RABGAP1L: variants seen among roughly 807,000 people sequenced by gnomAD.
RABGAP1L encodes RAB GTPase activating protein 1 like, also known as rab GTPase-activating protein 1-like.
Under a neutral mutation model 137.7 loss-of-function variants are expected in RABGAP1L, and 63 were observed. That is an observed-to-expected ratio of 0.46 (90% CI 0.37 to 0.56). The LOEUF (loss-of-function observed/expected upper bound fraction) is 0.56, where lower values mean the gene tolerates loss of function less well. RABGAP1L is among the 20% of genes least tolerant of loss of function. RABGAP1L has a pLI of 0.00. For synonymous variants in RABGAP1L, 431 were observed against 433.7 expected, an observed-to-expected ratio of 0.99 and a Z score of 0.08; for missense variants, 1,095 against 1,244.0, an observed-to-expected ratio of 0.88 and a Z score of 1.80.
chr1:174,690,206 T>G (rs1199747576), intron 15 of RABGAP1L, among the ~76,000 whole-genome samples: 1 of 152,212 alleles, frequency 6.6e-6, no homozygotes, highest in Admixed American at 6.5e-5. Flanking sequence ...TTAATACCTT[T>G]CAAGTTATAT....
In RABGAP1L at chr1:174,278,117, A is replaced by G. The variant is rs557079377; in HGVS notation, c.1157-496A>G. Among the ~76,000 whole-genome samples, 53 of 152,306 alleles carry G rather than the reference A, an allele frequency of 3.5e-4. 1 individual carries two copies. In the South Asian group the frequency reaches 7.3e-3, roughly 21 times the overall value. The stretch of plus-strand genomic sequence containing the variant: ...CCAGGCCATAGATTCAAAAACCTCA[A>G]TGAGGCCAGGTGTGGTGGCTCACGC... On this transcript the variant is annotated intron_variant, in intron 9 of 25. Coordinates refer to ENST00000681986, the MANE Select transcript of RABGAP1L (RefSeq NM_001366446.1).
chr1:174,677,811 T>G (rs994389125), intron 14 of RABGAP1L, among the ~76,000 whole-genome samples: 3 of 152,138 alleles, frequency 2.0e-5, no homozygotes, highest in Non-Finnish European at 4.4e-5. Flanking sequence ...TTTAAATGCC[T>G]ATATTAGAAA....
At position 174,165,573 on chromosome 1, in the gene RABGAP1L, A is replaced by C. The variant is rs956159139; in HGVS notation, c.-34+5916A>C. On this transcript the variant is annotated intron_variant, in intron 1 of 25. Coordinates refer to ENST00000681986, the MANE Select transcript of RABGAP1L (RefSeq NM_001366446.1). ...GAGTGCTGTGGTGCCATCACAGCTC[A>C]CTGCATCCTTGATTTCCTGGCCTCT... 4.0e-5 allele frequency among the ~76,000 whole-genome samples: 6 copies of C among 151,394 alleles called. No individual in the cohort carries two copies. The South Asian group carries it at 1.2e-3, about 31-fold the overall frequency.
chr1:174,274,288 T>G (rs2148665932), intron 8 of RABGAP1L, among the ~76,000 whole-genome samples: 1 of 152,248 alleles, frequency 6.6e-6, no homozygotes, highest in East Asian at 1.9e-4. Flanking sequence ...GCCAGATTAC[T>G]TATATATAAC....
At chr1:174,732,859 T>C (rs1245033458) in intron 17 of RABGAP1L, among the ~76,000 whole-genome samples, 2 of 152,226 alleles carry the variant, frequency 1.3e-5, no homozygotes, top group African/African-American at 4.8e-5. Context: ...CAAGACTCTG[T>C]CCTGTTTAGT....
At chr1:174,464,831 T>C (rs567718819) in intron 13 of RABGAP1L, among the ~76,000 whole-genome samples, 5 of 152,164 alleles carry the variant, frequency 3.3e-5, no homozygotes, top group Non-Finnish European at 7.3e-5. Flanking sequence ...AGTTTTATTA[T>C]ATTCTCTATG....
At chr1:174,662,351 G>A (rs1357539670) in intron 14 of RABGAP1L, among the ~76,000 whole-genome samples, 2 of 152,022 alleles carry the variant, frequency 1.3e-5, no homozygotes, top group Admixed American at 6.6e-5. Context: ...TGATCCATCC[G>A]CCTTGGCCTC....
At chr1:174,309,624 T>A (rs972636626) in intron 11 of RABGAP1L, among the ~76,000 whole-genome samples, 1 of 152,160 alleles carries the variant, frequency 6.6e-6, no homozygotes, top group African/African-American at 2.4e-5. Flanking sequence ...GTGATTTTTA[T>A]CCTTCATTCT....
intron 19 of RABGAP1L, among the ~76,000 whole-genome samples, chr1:174,873,761 G>A (rs1558175099): frequency 6.6e-6 from 1 of 152,028 alleles, no homozygotes; most frequent in South Asian, 2.1e-4. Context: ...CACGCACCTC[G>A]TCCTCCTAAA....
chr1:174,967,719 T>G (rs1669762750), intron 20 of RABGAP1L, among the ~76,000 whole-genome samples: 1 of 152,044 alleles, frequency 6.6e-6, no homozygotes, highest in South Asian at 2.1e-4. Flanking sequence ...ATTCCTGGGC[T>G]CAAGCAATCC....
chr1:174,683,647 AC>A (rs750892502), intron 15 of RABGAP1L, 51 bp downstream of exon 15: 4 of 1,379,072 alleles, frequency 2.9e-6, no homozygotes, highest in Non-Finnish European at 4.1e-6. Context: ...AGTTTATTTT[AC>A]TTTCTACTGG....
At chr1:174,413,420 A>G (rs79527023) in intron 13 of RABGAP1L, among the ~76,000 whole-genome samples, 5,276 of 152,162 alleles carry the variant, frequency 0.035, 121 homozygotes, top group Middle Eastern at 0.088. Context: ...CTTGCAATCC[A>G]TGCTTTGAAT....
chr1:174,778,466 G>A lies in RABGAP1L; in HGVS notation c.2211+26112G>A, dbSNP rs765493803. 3.3e-4 allele frequency among the ~76,000 whole-genome samples: 51 copies of A among 152,292 alleles called. 1 individual carries two copies. Among genetic ancestry groups the A allele is most frequent in the African/African-American group, 5.5e-4 (23 of 41,570 alleles). On this transcript the variant is annotated intron_variant, in intron 18 of 25. Coordinates refer to ENST00000681986, the MANE Select transcript of RABGAP1L (RefSeq NM_001366446.1). ...GCTCTATGCAAAAGAATTGGGGAGC[G>A]TGGCAAATGGTACCTATGTGGGTAA...
chr1:174,693,548 A>G (rs1428517832), intron 15 of RABGAP1L, among the ~76,000 whole-genome samples: 1 of 152,160 alleles, frequency 6.6e-6, no homozygotes, highest in African/African-American at 2.4e-5. Context: ...ATATGATGGT[A>G]TGCTGCAGCT....
intron 19 of RABGAP1L, among the ~76,000 whole-genome samples, chr1:174,901,965 A>G (rs1004344416): frequency 2.0e-5 from 3 of 152,246 alleles, no homozygotes; most frequent in East Asian, 3.9e-4. Flanking sequence ...TGGGGGTCCA[A>G]TCCAGACCCC....
chr1:174,550,929 T>TAG (rs1666427922), intron 13 of RABGAP1L, among the ~76,000 whole-genome samples: 1 of 108,034 alleles, frequency 9.3e-6, no homozygotes, highest in African/African-American at 4.1e-5. Flanking sequence ...CACATATATA[T>TAG]ATACACATAT....
chr1:174,377,759 C>CTCTCTT (rs370030450), intron 12 of RABGAP1L, among the ~76,000 whole-genome samples: 56 of 141,824 alleles, frequency 3.9e-4, no homozygotes, highest in Admixed American at 2.8e-3. Flanking sequence ...AACTGCAACT[C>CTCTCTT]TTTTTTTTTT....
chr1:174,896,284 G>A (rs1657159875), intron 19 of RABGAP1L, among the ~76,000 whole-genome samples: 1 of 152,032 alleles, frequency 6.6e-6, no homozygotes, highest in African/African-American at 2.4e-5. Flanking sequence ...ACTTTTTGAT[G>A]GGGTTGTTTT....
At chr1:174,821,243 G>A (rs1297512265) in intron 19 of RABGAP1L, among the ~76,000 whole-genome samples, 2 of 152,106 alleles carry the variant, frequency 1.3e-5, no homozygotes, top group African/African-American at 4.8e-5. Context: ...TGCAGGTAGC[G>A]GGAATGAGGG....
Sources: allele counts gnomAD v4.1 joint callset (sites outside exome capture counted in the v4.1 genomes callset), GRCh38; gene constraint gnomAD v4.1.1; transcripts MANE v1.5; gene names NCBI Gene and HGNC (gene_info 2026-07-23, HGNC 2026-07-21).